Variants in ADGB observed in about 807,000 individuals in gnomAD.
ADGB encodes calpain-7-like protein.
In ADGB, 172 loss-of-function variants were observed where a neutral mutation model predicts 210.5. That is an observed-to-expected ratio of 0.82 (90% CI 0.72 to 0.93). ADGB has a LOEUF of 0.93. Among genes scored for constraint, ADGB ranks in the 40% least tolerant of loss-of-function variants. The probability of loss-of-function intolerance (pLI) is 0.00; values close to 1 mark genes in which losing one functional copy is unlikely to be tolerated. For missense variants in ADGB, 2,025 were observed against 1,964.8 expected, an observed-to-expected ratio of 1.03 and a Z score of -0.58; for synonymous variants, 658 against 662.7, an observed-to-expected ratio of 0.99 and a Z score of 0.11.
intron 22 of ADGB, among the ~76,000 whole-genome samples, chr6:146,734,759 A>G (rs1003576235): frequency 6.6e-6 from 1 of 151,982 alleles, no homozygotes; most frequent in Non-Finnish European, 1.5e-5. Flanking sequence ...AAAATATAAA[A>G]ATTAGCCAGG....
chr6:146,732,052 C>G (rs1261381545), intron 20 of ADGB, among the ~76,000 whole-genome samples: 1 of 152,162 alleles, frequency 6.6e-6, no homozygotes, highest in African/African-American at 2.4e-5. Context: ...TTTAACCGAG[C>G]CTCCTATGTG....
chr6:146,631,275 G>A (rs1781060719), intron 1 of ADGB, among the ~76,000 whole-genome samples: 1 of 152,146 alleles, frequency 6.6e-6, no homozygotes, highest in African/African-American at 2.4e-5. Flanking sequence ...AGTGTGACCA[G>A]GTGTGTAGTG....
chr6:146,788,225 T>A (rs1777905708), intron 32 of ADGB, among the ~76,000 whole-genome samples, 164 bp from the exon 33 acceptor site: 1 of 152,180 alleles, frequency 6.6e-6, no homozygotes, highest in Non-Finnish European at 1.5e-5. Flanking sequence ...TGGGTCAGCC[T>A]TCTAGGGTGA....
At chr6:146,661,252 A>T in intron 5 of ADGB, among the ~76,000 whole-genome samples, 3 of 111,480 alleles carry the variant, frequency 2.7e-5, no homozygotes, top group African/African-American at 7.0e-5. Flanking sequence ...ATAGGGTCTG[A>T]CTCTGTCGCT....
At chr6:146,697,019 G>A (rs1235300650) in intron 12 of ADGB, among the ~76,000 whole-genome samples, 1 of 152,052 alleles carries the variant, frequency 6.6e-6, no homozygotes, top group Non-Finnish European at 1.5e-5. Flanking sequence ...TTAAATGATT[G>A]TCATAGAAAT....
chr6:146,808,505 T>C (rs1247227095), intron 35 of ADGB, among the ~76,000 whole-genome samples: 1 of 152,168 alleles, frequency 6.6e-6, no homozygotes, highest in Non-Finnish European at 1.5e-5. Flanking sequence ...GAAGTTGTTA[T>C]ACCCTAGTCT....
intron 25 of ADGB, among the ~76,000 whole-genome samples, chr6:146,743,145 A>G (rs1777183118): frequency 6.6e-6 from 1 of 152,190 alleles, no homozygotes; most frequent in Non-Finnish European, 1.5e-5. Flanking sequence ...GAATAGAAAC[A>G]GTTTATTTAA....
chr6:146,694,795 C>G (rs1316349134), intron 12 of ADGB, among the ~76,000 whole-genome samples: 1 of 152,122 alleles, frequency 6.6e-6, no homozygotes, highest in Non-Finnish European at 1.5e-5. Context: ...ATTTTCCAGT[C>G]CCACTGGACA....
At position 146,781,955 on chromosome 6, in the gene ADGB, TC is replaced by T. The variant is rs140558716; in HGVS notation, c.3863-61del. 2.4e-3 allele frequency: 2,865 copies of T among 1,202,518 alleles called. 40 individuals carry two copies. In the African/African-American group the frequency reaches 0.041, roughly 17 times the overall value. 74.5% of individuals were successfully genotyped at this position (1,202,518 alleles called of 1,614,324 possible). A position where few individuals can be genotyped will look rare whatever the true frequency, so the allele number is the denominator to read the frequency against. On this transcript the variant is annotated intron_variant, in intron 29 of 35. Coordinates refer to ENST00000397944, the MANE Select transcript of ADGB (RefSeq NM_024694.4). The stretch of plus-strand genomic sequence containing the variant: ...ATATGTCCCTGAGTTGATTCCCTTG[TC>T]CCCTGTGAAACCATTTTATTGTTAT...
intron 13 of ADGB, among the ~76,000 whole-genome samples, chr6:146,713,384 T>A (rs1426517352): frequency 6.6e-6 from 1 of 151,892 alleles, no homozygotes; most frequent in East Asian, 1.9e-4. Context: ...TTTCTCTACA[T>A]CCTTACCAAC....
At position 146,745,988 on chromosome 6, in the gene ADGB, C is replaced by T. The variant is rs1005264965; in HGVS notation, c.3244C>T (p.Leu1082=). ...DTYVAASRWK[L]RLIGSSAPLP... ...ATATGTAGCAGCCTCACGATGGAAA[C>T]TGCGTCTCATCGGTTCTTCTGCTCC... Residue 1082 remains leucine (L), a synonymous_variant, in exon 26 of 36, where the codon CTG becomes TTG. Coordinates refer to ENST00000397944, the MANE Select transcript of ADGB (RefSeq NM_024694.4). 4 of 1,551,208 alleles carry T rather than the reference C, an allele frequency of 2.6e-6. No individual in the cohort carries two copies. In the African/African-American group the frequency reaches 4.1e-5, roughly 16 times the overall value.
intron 25 of ADGB, 95 bp downstream of exon 25, chr6:146,741,366 A>C: frequency 8.6e-7 from 1 of 1,165,650 alleles, no homozygotes; most frequent in Non-Finnish European, 1.2e-6. Flanking sequence ...GTTGTTTTTA[A>C]TCTACTTAAC....
At chr6:146,767,535 C>G (rs1777594392) in intron 28 of ADGB, among the ~76,000 whole-genome samples, 1 of 152,120 alleles carries the variant, frequency 6.6e-6, no homozygotes, top group Non-Finnish European at 1.5e-5. Context: ...ATGGCGTGAT[C>G]TCAGCTCACT....
At chr6:146,633,790 A>G (rs946524749) in intron 1 of ADGB, among the ~76,000 whole-genome samples, 6 of 152,064 alleles carry the variant, frequency 3.9e-5, no homozygotes, top group African/African-American at 1.2e-4. Context: ...ACAATCACAC[A>G]CCTCATAACA....
At chr6:146,628,617 C>A (rs1198982055) in intron 1 of ADGB, among the ~76,000 whole-genome samples, 2 of 151,902 alleles carry the variant, frequency 1.3e-5, no homozygotes, top group Non-Finnish European at 2.9e-5. Flanking sequence ...GCTTATAGAT[C>A]TCTGCACCTA....
intron 29 of ADGB, among the ~76,000 whole-genome samples, chr6:146,781,171 CAAAAAAAAAA>C (rs71031009): frequency 1.1e-5 from 1 of 90,980 alleles, no homozygotes; most frequent in Non-Finnish European, 2.1e-5. Context: ...ACTAAAAATA[CAAAAAAAAAA>C]AAAAAAAAAA....
At chr6:146,776,717 C>T (rs1777727100) in intron 29 of ADGB, among the ~76,000 whole-genome samples, 1 of 152,006 alleles carries the variant, frequency 6.6e-6, no homozygotes, top group East Asian at 1.9e-4. Flanking sequence ...CATGGGGCAG[C>T]TTGAGATTCA....
intron 29 of ADGB, among the ~76,000 whole-genome samples, chr6:146,777,735 T>C (rs1303766164): frequency 2.6e-5 from 4 of 152,186 alleles, no homozygotes; most frequent in Admixed American, 6.5e-5. Flanking sequence ...CTTCAGCCCA[T>C]CCCTTTGCAG....
chr6:146,699,314 ACT>A (rs1226113350), intron 12 of ADGB, among the ~76,000 whole-genome samples: 1 of 152,072 alleles, frequency 6.6e-6, no homozygotes, highest in African/African-American at 2.4e-5. Flanking sequence ...TGATGGTGTA[ACT>A]CTCAGTCTGA....
Sources: allele counts gnomAD v4.1 joint callset (sites outside exome capture counted in the v4.1 genomes callset), GRCh38; gene constraint gnomAD v4.1.1; transcripts MANE v1.5; gene names NCBI Gene and HGNC (gene_info 2026-07-23, HGNC 2026-07-21).